TRIOBP: variants seen among roughly 807,000 people sequenced by gnomAD.
The protein encoded by TRIOBP is TRIO and F-actin-binding protein.
A neutral mutation model predicts 238.8 loss-of-function variants in TRIOBP; 169 were observed. The observed-to-expected ratio is 0.71, with a 90% CI of 0.62 to 0.80. The LOEUF (loss-of-function observed/expected upper bound fraction) is 0.80. Ranked by LOEUF, TRIOBP falls within the 30% of genes least tolerant of loss-of-function variation. The probability of loss-of-function intolerance (pLI) is 0.00; values close to 1 mark genes in which losing one functional copy is unlikely to be tolerated. For missense variants in TRIOBP, 2,838 were observed against 3,122.6 expected, an observed-to-expected ratio of 0.91 and a Z score of 2.17; for synonymous variants, 1,150 against 1,274.4, an observed-to-expected ratio of 0.90 and a Z score of 2.08.
chr22:37,705,978 A>G (rs2145814576), intron 3 of TRIOBP, among the ~76,000 whole-genome samples: 1 of 152,148 alleles, frequency 6.6e-6, no homozygotes, highest in Non-Finnish European at 1.5e-5. Context: ...GGGTGGTGAG[A>G]GTGAATCAGG....
Position 37,725,430 on chromosome 22 carries a change from T to C in TRIOBP, c.2874T>C (p.His958=). The stretch of plus-strand genomic sequence containing the variant: ...CCTCTCCCAGCAGGCCAGCCCAGCA[T>C]GACCCACCCCAGTCCTCCTTTGGCC... The part of the protein sequence containing the change: ...QTSSPSRPAQ[H]DPPQSSFGPT... The change falls in exon 7 of 24, where the codon CAT becomes CAC. Residue 958 remains histidine (H), a synonymous_variant. Transcript: ENST00000644935. 1.2e-6 allele frequency: 2 copies of C among 1,610,748 alleles called. No individual in the cohort carries two copies. The highest frequency in any genetic ancestry group is 8.5e-7 in the Non-Finnish European group (1 of 1,177,882).
chr22:37,708,042 C>T (rs1923039719), intron 3 of TRIOBP, among the ~76,000 whole-genome samples: 1 of 149,866 alleles, frequency 6.7e-6, no homozygotes, highest in African/African-American at 2.5e-5. Flanking sequence ...ATCAGGAGAT[C>T]GAGACCATCC....
chr22:37,701,509 G>C, intron 3 of TRIOBP, 30 bp downstream of exon 3: 1 of 1,526,232 alleles, frequency 6.6e-7, no homozygotes. Context: ...GGTTGGGGTG[G>C]TTTGTGATGG....
intron 10 of TRIOBP, among the ~76,000 whole-genome samples, chr22:37,739,357 C>G (rs1026027876): frequency 1.3e-5 from 2 of 152,130 alleles, no homozygotes; most frequent in African/African-American, 4.8e-5. Flanking sequence ...CTGTTTGGGG[C>G]TGTGTTTTCC....
At chr22:37,714,328 A>G (rs904388608) in intron 5 of TRIOBP, among the ~76,000 whole-genome samples, 6 of 152,234 alleles carry the variant, frequency 3.9e-5, no homozygotes, top group African/African-American at 1.4e-4. Flanking sequence ...AGCACCTGCT[A>G]GAGCCCAGCA....
chr22:37,733,454 C>T (rs761898653), intron 8 of TRIOBP, 42 bp downstream of exon 8: 13 of 1,441,992 alleles, frequency 9.0e-6, no homozygotes, highest in South Asian at 2.4e-5. Context: ...CCCCAAGGGG[C>T]GGCCACTGCC....
Position 37,725,971 on chromosome 22 carries a change from C to G in TRIOBP, c.3415C>G (p.Leu1139Val). The change falls in exon 7 of 24, where the codon CTC (leucine) becomes GTC (valine). Residue 1139 changes from leucine (L) to valine (V), a missense_variant. By Grantham distance (32) the Leu-to-Val change is conservative (BLOSUM62 1). Around this residue, in one of 5 missense-constraint regions of TRIOBP, gnomAD observed 2,096 missense variants for 2,137.4 expected, o/e 0.98. Coordinates refer to ENST00000644935, the MANE Select transcript of TRIOBP (RefSeq NM_001039141.3). The part of the protein sequence containing the change: ...APEPSLLFQD[L>V]PRASTESLVP... Reference sequence around the variant, plus strand: ...AGAGCCTTCCCTCTTATTCCAGGACCTCCCCAGGGCCAGCACAGAGAGCCT... The same window carrying G: ...AGAGCCTTCCCTCTTATTCCAGGACGTCCCCAGGGCCAGCACAGAGAGCCT... 1 of 1,611,130 alleles carries G rather than the reference C, an allele frequency of 6.2e-7. No individual in the cohort carries two copies. Among genetic ancestry groups the G allele is most frequent in the Non-Finnish European group, 8.5e-7 (1 of 1,179,208 alleles).
In TRIOBP at chr22:37,767,974, C is replaced by T. The variant is rs1018093967; in HGVS notation, c.6473-100C>T. On this transcript the variant is annotated intron_variant, in intron 18 of 23. Coordinates refer to ENST00000644935, the MANE Select transcript of TRIOBP (RefSeq NM_001039141.3). ...CTTGCATAGTACTATGTGGAGTCCA[C>T]ATAGTACTCCACCAGTACATGTGGC... 5.6e-6 allele frequency: 5 copies of T among 897,272 alleles called. No homozygotes were observed. The Admixed American group carries it at 6.0e-5, about 11-fold the overall frequency. 55.6% of individuals were successfully genotyped at this position (897,272 alleles called of 1,614,324 possible). A position where few individuals can be genotyped will look rare whatever the true frequency, so the allele number is the denominator to read the frequency against.
chr22:37,729,638 ATATT>A (rs1924331135), intron 7 of TRIOBP, among the ~76,000 whole-genome samples: 2 of 152,182 alleles, frequency 1.3e-5, no homozygotes, highest in Admixed American at 1.3e-4. Flanking sequence ...TAAGGTGTTT[ATATT>A]AATAATAGAA....
intron 2 of TRIOBP, among the ~76,000 whole-genome samples, chr22:37,700,689 CA>C (rs760974994): frequency 4.5e-4 from 69 of 151,854 alleles, no homozygotes; most frequent in Non-Finnish European, 7.4e-4. Context: ...CTGGAATCTG[CA>C]TTTTTTTGTT....
intron 11 of TRIOBP, among the ~76,000 whole-genome samples, chr22:37,747,392 G>C (rs542015381): frequency 5.3e-5 from 8 of 152,274 alleles, no homozygotes; most frequent in African/African-American, 1.9e-4. Context: ...TGAGCAGGGT[G>C]TGTGTGTGCA....
At chr22:37,720,005 T>TCAC (rs57515335) in intron 6 of TRIOBP, among the ~76,000 whole-genome samples, 2 of 11,198 alleles carry the variant, frequency 1.8e-4, no homozygotes, top group Non-Finnish European at 8.7e-4. Flanking sequence ...CCGCCCTTTT[T>TCAC]TTTTTTTTTT....
intron 3 of TRIOBP, among the ~76,000 whole-genome samples, chr22:37,704,968 A>C (rs1398369611): frequency 6.6e-6 from 1 of 151,864 alleles, no homozygotes; most frequent in Non-Finnish European, 1.5e-5. Context: ...AGCTAGTCAG[A>C]AGGCTGATGT....
rs1926104973 is a variant in TRIOBP, at chr22:37,759,163, C to G, written c.6223C>G (p.Leu2075Val). The G allele has an allele frequency of 6.2e-7, 1 of 1,611,970 alleles. No individual in the cohort carries two copies. The highest frequency in any genetic ancestry group is 1.3e-5 in the African/African-American group (1 of 74,906). Residue 2075 changes from leucine to valine, a missense_variant, in exon 17 of 24, where the codon CTT (leucine) becomes GTT (valine). Transcript: ENST00000644935. The stretch of plus-strand genomic sequence containing the variant: ...CCCTTCTCCCTCGTAGGTTCAGGCT[C>G]TTCGGGCCCAGCTGGAGGCGTGGCG... ...HEALEKEVQA[L>V]RAQLEAWRLQ...
intron 17 of TRIOBP, chr22:37,760,137 T>A (rs887314036): frequency 6.5e-6 from 1 of 153,388 alleles, no homozygotes; most frequent in Non-Finnish European, 1.5e-5. Context: ...GTCAGCTACT[T>A]CTTTGCTAGA....
rs1250172709 is a variant in TRIOBP, at chr22:37,723,269, C to CA, written c.715dup (p.Thr239AsnfsTer36). The CA allele has an allele frequency of 6.2e-7, 1 of 1,613,960 alleles. No individual in the cohort carries two copies. The highest frequency in any genetic ancestry group is 8.5e-7 in the Non-Finnish European group (1 of 1,179,986). On this transcript the variant is annotated frameshift_variant, in exon 7 of 24. Transcript: ENST00000644935. LOFTEE classifies it high-confidence loss of function. ...GGGTTGTCCCTGGAGCGGCACCGGTCAACACTGACCCAGGCTTCCTCCATG... is the reference window on the plus strand; with the variant it reads ...GGGTTGTCCCTGGAGCGGCACCGGTCAAACACTGACCCAGGCTTCCTCCATG...
chr22:37,730,583 C>G (rs777748450), intron 7 of TRIOBP, among the ~76,000 whole-genome samples: 1 of 152,000 alleles, frequency 6.6e-6, no homozygotes. Flanking sequence ...TACCCCAGTT[C>G]GGGGGAAAAT....
At position 37,751,781 on chromosome 22, in the gene TRIOBP, C is replaced by G. The variant is rs900592621; in HGVS notation, c.5332C>G (p.Leu1778Val). 4.3e-6 allele frequency: 7 copies of G among 1,614,184 alleles called. No individual in the cohort carries two copies. Among genetic ancestry groups the G allele is most frequent in the Non-Finnish European group, 5.9e-6 (7 of 1,180,016 alleles). The change falls in exon 12 of 24, where the codon CTC (leucine) becomes GTC (valine). Residue 1778 changes from leucine to valine, a missense_variant. By Grantham distance (32) the Leu-to-Val change is conservative. This residue lies in a region of TRIOBP where 2,096 missense variants were observed against 2,137.4 expected (regional missense o/e 0.98). Coordinates refer to ENST00000644935, the MANE Select transcript of TRIOBP (RefSeq NM_001039141.3). ...CCTCATCTCCCCACAGCCCGATCTGCTCAACTTCAAGAAGGGATGGATGTC... is the reference window on the plus strand; with the variant it reads ...CCTCATCTCCCCACAGCCCGATCTGGTCAACTTCAAGAAGGGATGGATGTC... Reference protein sequence around the residue: ...GVLRWRRPDLLNFKKGWMSIL... With the variant: ...GVLRWRRPDLVNFKKGWMSIL...
chr22:37,726,624 G>T, intron 7 of TRIOBP, 121 bp downstream of exon 7: 3 of 1,071,836 alleles, frequency 2.8e-6, no homozygotes, highest in Non-Finnish European at 3.8e-6. Flanking sequence ...TTTACCGGCT[G>T]TGTGACCTTG....
Sources: allele counts gnomAD v4.1 joint callset (sites outside exome capture counted in the v4.1 genomes callset), GRCh38; gene constraint gnomAD v4.1.1; regional missense constraint gnomAD v4.1.1; transcripts MANE v1.5; gene names NCBI Gene and HGNC (gene_info 2026-07-23, HGNC 2026-07-21).